Variants in FAM135A observed in about 807,000 individuals in gnomAD.
The protein encoded by FAM135A is protein FAM135A.
In FAM135A, 79 loss-of-function variants were observed where a neutral mutation model predicts 146.8. The ratio of observed to expected loss-of-function variants is 0.54; its 90% CI spans 0.45 to 0.65. The LOEUF is 0.65. Ranked by LOEUF, FAM135A falls within the 30% of genes least tolerant of loss-of-function variation. The pLI is 0.00. For synonymous variants in FAM135A, 562 were observed against 603.6 expected (o/e 0.93, Z 1.01); for missense variants, 1,623 against 1,758.2 (o/e 0.92, Z 1.38).
intron 5 of FAM135A, 46 bp downstream of exon 5, chr6:70,452,617 C>A: frequency 2.8e-6 from 4 of 1,405,938 alleles, no homozygotes; most frequent in South Asian, 1.4e-5. Context: ...TCTGAATGGT[C>A]AATAACTTTT....
chr6:70,448,795 G>A (rs1776394624), intron 4 of FAM135A, among the ~76,000 whole-genome samples: 1 of 152,216 alleles, frequency 6.6e-6, no homozygotes, highest in African/African-American at 2.4e-5. Flanking sequence ...TAAATGGATG[G>A]GTTTGGCTAG....
At chr6:70,510,254 T>TG (rs1007142980) in intron 12 of FAM135A, among the ~76,000 whole-genome samples, 18 of 42,098 alleles carry the variant, frequency 4.3e-4, no homozygotes, top group African/African-American at 5.8e-4. Flanking sequence ...TTAATTTTGT[T>TG]GGGGGGCGGG....
intron 2 of FAM135A, among the ~76,000 whole-genome samples, chr6:70,420,431 G>A (rs1347089847): frequency 6.6e-6 from 1 of 152,172 alleles, no homozygotes; most frequent in Non-Finnish European, 1.5e-5. Flanking sequence ...GGATCACTGT[G>A]GATGGTGCAG....
In FAM135A at chr6:70,524,564, G is replaced by A. The variant is rs1419086025; in HGVS notation, c.1480G>A (p.Val494Ile). ...AGAATCAAATAAATCCAAAGTTAAG[G>A]TTACTAAGCTTATGAAAACAATGAA... ...NEESNKSKVK[V>I]TKLMKTMKSE... The change falls in exon 15 of 22, where the codon GTT becomes ATT. Residue 494 changes from valine to isoleucine, a missense_variant. Around this residue, in one of 7 missense-constraint regions of FAM135A, gnomAD observed 1,061 missense variants for 1,113.8 expected, o/e 0.95. Transcript: ENST00000418814. 2 of 1,545,532 alleles carry A rather than the reference G, an allele frequency of 1.3e-6. No individual in the cohort carries two copies. Among genetic ancestry groups the A allele is most frequent in the East Asian group, 2.4e-5 (1 of 40,896 alleles).
chr6:70,419,461 T>C (rs1562382088), intron 2 of FAM135A, among the ~76,000 whole-genome samples: 1 of 152,250 alleles, frequency 6.6e-6, no homozygotes, highest in South Asian at 2.1e-4. Flanking sequence ...TTCTTGCTTA[T>C]TCCTTTAGAG....
chr6:70,417,432 C>G (rs958966967), intron 2 of FAM135A: 24 of 187,626 alleles, frequency 1.3e-4, no homozygotes, highest in Non-Finnish European at 2.3e-4. Flanking sequence ...CAGCAGGTCT[C>G]AAACTCCTGG....
chr6:70,436,138 C>T (rs943800815), intron 4 of FAM135A, among the ~76,000 whole-genome samples: 1 of 149,972 alleles, frequency 6.7e-6, no homozygotes, highest in Non-Finnish European at 1.5e-5. Flanking sequence ...GAGCTGAGAT[C>T]GTGCCACTGC....
chr6:70,444,558 T>C (rs1489889833), intron 4 of FAM135A, among the ~76,000 whole-genome samples: 1 of 152,132 alleles, frequency 6.6e-6, no homozygotes, highest in Non-Finnish European at 1.5e-5. Context: ...GAGTGAGACC[T>C]GTCTCAATAA....
chr6:70,480,800 A>G, intron 8 of FAM135A, 101 bp from the exon 9 acceptor site: 1 of 1,147,918 alleles, frequency 8.7e-7, no homozygotes, highest in East Asian at 2.8e-5. Context: ...AACTTGCAAA[A>G]CCCTTGCTGT....
intron 11 of FAM135A, among the ~76,000 whole-genome samples, chr6:70,491,478 C>G (rs925617237): frequency 1.3e-5 from 2 of 151,796 alleles, no homozygotes; most frequent in Non-Finnish European, 3.0e-5. Context: ...TTTTTCAGTT[C>G]ACTCTTGCAA....
At chr6:70,426,128 C>CAAA (rs34238314) in intron 2 of FAM135A, among the ~76,000 whole-genome samples, 61 of 146,268 alleles carry the variant, frequency 4.2e-4, no homozygotes, top group African/African-American at 1.5e-3. Flanking sequence ...AAAACAACAA[C>CAAA]AAAAAAAAAA....
chr6:70,472,302 C>T, intron 5 of FAM135A, among the ~76,000 whole-genome samples: 1 of 152,186 alleles, frequency 6.6e-6, no homozygotes, highest in South Asian at 2.1e-4. Context: ...TTTCCCTTCT[C>T]AGCTCTTCAA....
intron 12 of FAM135A, chr6:70,503,414 A>C (rs1217111423): frequency 1.3e-5 from 2 of 152,146 alleles, no homozygotes; most frequent in Non-Finnish European, 2.9e-5. Flanking sequence ...TCCTCCAAAC[A>C]TCATTAATTT....
At chr6:70,431,329 T>A (rs970438900) in intron 4 of FAM135A, among the ~76,000 whole-genome samples, 2 of 152,210 alleles carry the variant, frequency 1.3e-5, no homozygotes, top group African/African-American at 4.8e-5. Flanking sequence ...TTTGCTGGGC[T>A]CACTTCATGA....
chr6:70,465,433 A>G (rs1227261818), intron 5 of FAM135A, among the ~76,000 whole-genome samples: 3 of 151,918 alleles, frequency 2.0e-5, no homozygotes, highest in Non-Finnish European at 4.4e-5. Context: ...TATTATTTTT[A>G]TTTTTTGAGA....
At chr6:70,443,222 A>G (rs1774959716) in intron 4 of FAM135A, among the ~76,000 whole-genome samples, 1 of 152,194 alleles carries the variant, frequency 6.6e-6, no homozygotes, top group African/African-American at 2.4e-5. Flanking sequence ...GTGCCATTTA[A>G]CTACATTTTG....
intron 1 of FAM135A, chr6:70,413,904 G>A (rs866449291): frequency 1.0e-5 from 10 of 985,376 alleles, no homozygotes; most frequent in Middle Eastern, 1.0e-3. Context: ...GGTGCGGAGC[G>A]CTCTGAGGGA....
At chr6:70,504,491 C>T (rs1278180835) in intron 12 of FAM135A, 1 of 152,052 alleles carries the variant, frequency 6.6e-6, no homozygotes, top group Non-Finnish European at 1.5e-5. Context: ...CAGACATGGA[C>T]ATAGCCATTT....
At chr6:70,488,352 C>G (rs975066794) in intron 10 of FAM135A, among the ~76,000 whole-genome samples, 1 of 151,876 alleles carries the variant, frequency 6.6e-6, no homozygotes, top group Non-Finnish European at 1.5e-5. Context: ...GTGCAAAATA[C>G]AATCCTATTT....
Sources: allele counts gnomAD v4.1 joint callset (sites outside exome capture counted in the v4.1 genomes callset), GRCh38; gene constraint gnomAD v4.1.1; regional missense constraint gnomAD v4.1.1; transcripts MANE v1.5; gene names NCBI Gene and HGNC (gene_info 2026-07-23, HGNC 2026-07-21).